ALOX15: variants seen among roughly 807,000 people sequenced by gnomAD.
ALOX15 encodes the protein arachidonate 15-lipoxygenase.
ALOX15 carries 68 observed loss-of-function variants against 71.7 expected under a neutral mutation model. That is an observed-to-expected ratio of 0.95 (90% CI 0.78 to 1.16). The LOEUF (loss-of-function observed/expected upper bound fraction) is 1.16. Among genes scored for constraint, ALOX15 ranks in the 50% most tolerant of loss-of-function variants. ALOX15 has a pLI of 0.00. For missense variants in ALOX15, 798 were observed against 818.8 expected (o/e 0.97, Z 0.31); for synonymous variants, 346 against 333.3 (o/e 1.04, Z -0.42).
chr17:4,636,155 C>T (rs1190345420), intron 7 of ALOX15, among the ~76,000 whole-genome samples, 187 bp from the exon 8 acceptor site: 1 of 152,198 alleles, frequency 6.6e-6, no homozygotes, highest in Admixed American at 6.5e-5. Context: ...TGCATTAGCA[C>T]CCTGCAAGCT....
chr17:4,632,902 C>A lies in ALOX15; in HGVS notation c.1499G>T (p.Arg500Leu), dbSNP rs920143506. 6.2e-7 allele frequency: 1 copy of A among 1,614,098 alleles called. No individual in the cohort carries two copies. Residue 500 changes from arginine (R) to leucine (L), a missense_variant, in exon 11 of 14, where the codon CGA becomes CTA. Arg to Leu is a moderately radical substitution (Grantham distance 102, BLOSUM62 -2). Around this residue, in one of 3 missense-constraint regions of ALOX15, gnomAD observed 490 missense variants for 509.4 expected, o/e 0.96. Coordinates refer to ENST00000293761, the MANE Select transcript of ALOX15 (RefSeq NM_001140.5). The part of the protein sequence containing the change: ...KDDPELQTWC[R>L]EITEIGLQGA... The stretch of plus-strand genomic sequence containing the variant: ...TTGCAGCCCGATTTCAGTGATCTCT[C>A]GACACCAGGTCTGCAGCTCTGGGTC...
At chr17:4,639,855 G>A in intron 1 of ALOX15, 1 of 535,796 alleles carries the variant, frequency 1.9e-6, no homozygotes. Flanking sequence ...GTGCGCTCCT[G>A]CCTTCACTTT....
chr17:4,633,877 G>A (rs2150535381), intron 8 of ALOX15, among the ~76,000 whole-genome samples: 1 of 152,330 alleles, frequency 6.6e-6, no homozygotes, highest in South Asian at 2.1e-4. Flanking sequence ...CATGTTCTCT[G>A]CAGCAACATG....
At chr17:4,635,168 C>T (rs1348503355) in intron 8 of ALOX15, among the ~76,000 whole-genome samples, 1 of 151,824 alleles carries the variant, frequency 6.6e-6, no homozygotes, top group Non-Finnish European at 1.5e-5. Flanking sequence ...CAGTGACTCA[C>T]GCCTGTAATC....
chr17:4,641,401 C>G, intron 1 of ALOX15, 116 bp downstream of exon 1: 1 of 1,460,358 alleles, frequency 6.8e-7, no homozygotes, highest in Non-Finnish European at 9.1e-7. Flanking sequence ...GCCCAATGCG[C>G]GGGCCCTTGG....
rs774523803 is a variant in ALOX15, at chr17:4,638,565, G to C, written c.646+16C>G. 6.2e-7 allele frequency: 1 copy of C among 1,611,708 alleles called. No homozygotes were observed. The highest frequency in any genetic ancestry group is 8.5e-7 in the Non-Finnish European group (1 of 1,178,070). On this transcript the variant is annotated intron_variant, in intron 5 of 13. Coordinates refer to ENST00000293761, the MANE Select transcript of ALOX15 (RefSeq NM_001140.5). ...GATCTGGGGGGTTGGGAGACATACT[G>C]GGGTGGGGGACTGACCAGCCAGCTT...
At position 4,638,430 on chromosome 17, in the gene ALOX15, C is replaced by A. The variant is rs568225559; in HGVS notation, c.647-53G>T. The A allele has an allele frequency of 1.3e-3, 960 of 764,562 alleles. 16 individuals are homozygous for A. The South Asian group carries it at 0.016, about 13-fold the overall frequency. The allele number at this position is 764,562 out of a possible 1,614,324, so 47.4% of individuals were successfully genotyped here. Reference sequence around the variant, plus strand: ...GTGGGATCTGAGCTCTTGGTCCTTCCAACCCCACCAACCATGCCTCCTTGA... The same window carrying A: ...GTGGGATCTGAGCTCTTGGTCCTTCAAACCCCACCAACCATGCCTCCTTGA... On this transcript the variant is annotated intron_variant, in intron 5 of 13. Coordinates refer to ENST00000293761, the MANE Select transcript of ALOX15 (RefSeq NM_001140.5).
Position 4,633,135 on chromosome 17 carries a change from G to C in ALOX15, c.1418+11C>G. ...CACTTGCACCCCCACTGGCCTTCCC[G>C]CTTGCCTCACCGATAGATGATTTCC... On this transcript the variant is annotated intron_variant, in intron 10 of 13. Coordinates refer to ENST00000293761, the MANE Select transcript of ALOX15 (RefSeq NM_001140.5). 1 of 1,612,392 alleles carries C rather than the reference G, an allele frequency of 6.2e-7. No individual in the cohort carries two copies. Among genetic ancestry groups the C allele is most frequent in the East Asian group, 2.2e-5 (1 of 44,842 alleles).
At chr17:4,634,461 C>T (rs1232621206) in intron 8 of ALOX15, among the ~76,000 whole-genome samples, 1 of 151,626 alleles carries the variant, frequency 6.6e-6, no homozygotes, top group Non-Finnish European at 1.5e-5. Context: ...AACCACCGTG[C>T]CTGGCCTCCT....
intron 9 of ALOX15, 43 bp from the exon 10 acceptor site, chr17:4,633,358 C>T (rs372989330): frequency 6.2e-7 from 1 of 1,611,724 alleles, no homozygotes; most frequent in African/African-American, 1.3e-5. Flanking sequence ...TCGACCTGCC[C>T]TGAATCCAGA....
intron 7 of ALOX15, among the ~76,000 whole-genome samples, 174 bp from the exon 8 acceptor site, chr17:4,636,142 C>T (rs544126948): frequency 1.3e-5 from 2 of 152,210 alleles, no homozygotes; most frequent in Non-Finnish European, 2.9e-5. Flanking sequence ...CCTGCCCGCT[C>T]AGTGCATTAG....
At chr17:4,639,168 T>C in intron 2 of ALOX15, 36 bp from the exon 3 acceptor site, 5 of 1,611,788 alleles carry the variant, frequency 3.1e-6, no homozygotes, top group Non-Finnish European at 4.2e-6. Context: ...CAGTGACTTT[T>C]GGTGAGCGCC....
chr17:4,634,376 C>T (rs939094739), intron 8 of ALOX15, among the ~76,000 whole-genome samples: 1 of 148,790 alleles, frequency 6.7e-6, no homozygotes, highest in African/African-American at 2.5e-5. Context: ...GATCTCGGCT[C>T]ACTGCAACCT....
intron 7 of ALOX15, among the ~76,000 whole-genome samples, chr17:4,636,817 T>C (rs1332548020): frequency 6.6e-6 from 1 of 152,004 alleles, no homozygotes; most frequent in Non-Finnish European, 1.5e-5. Context: ...CTCTCCCTCC[T>C]GCTTGTCTGA....
At chr17:4,639,190 C>T in intron 2 of ALOX15, 58 bp from the exon 3 acceptor site, 1 of 1,595,896 alleles carries the variant, frequency 6.3e-7, no homozygotes, top group African/African-American at 1.3e-5. Context: ...CTTCTTGTCT[C>T]TGCCAGGAGA....
At position 4,631,931 on chromosome 17, in the gene ALOX15, C is replaced by G; in HGVS notation, c.1767G>C (p.Gln589His). The G allele has an allele frequency of 3.7e-6, 6 of 1,614,028 alleles. No homozygotes were observed. Among genetic ancestry groups the G allele is most frequent in the Non-Finnish European group, 5.1e-6 (6 of 1,179,988 alleles). The change falls in exon 13 of 14, where the codon CAG becomes CAC. Residue 589 changes from glutamine (Q) to histidine (H), a missense_variant. Transcript: ENST00000293761. The part of the protein sequence containing the change: ...TLPNFHQASL[Q>H]MSITWQLGRR... ...TGCCCAGCTGCCAAGTGATGGACAT[C>G]TGGAGAGAAGCCTGGTGGAAGTTGG...
chr17:4,634,266 T>G (rs11568120), intron 8 of ALOX15, among the ~76,000 whole-genome samples: 1,819 of 152,308 alleles, frequency 0.012, 9 homozygotes, highest in Middle Eastern at 0.075. Context: ...CAAACCAGAC[T>G]TAGTGCTTTA....
In ALOX15 at chr17:4,635,650, T is replaced by C. The variant is rs141681051; in HGVS notation, c.1161+109A>G. The C allele has an allele frequency of 1.9e-3, 2,041 of 1,052,448 alleles. 24 individuals carry two copies. The Admixed American group carries it at 0.024, about 13-fold the overall frequency. 65.2% of individuals were successfully genotyped at this position (1,052,448 alleles called of 1,614,324 possible). ...CTGTTGCTCTCACATTGTCCATTCA[T>C]TGTTTCTCTCTGTACCCCGAGACCC... On this transcript the variant is annotated intron_variant, in intron 8 of 13. Coordinates refer to ENST00000293761, the MANE Select transcript of ALOX15 (RefSeq NM_001140.5).
chr17:4,634,127 T>C (rs1200865715), intron 8 of ALOX15, among the ~76,000 whole-genome samples: 3 of 152,192 alleles, frequency 2.0e-5, no homozygotes, highest in African/African-American at 4.8e-5. Flanking sequence ...CCAAGCCCCA[T>C]GACACACAAT....
Sources: allele counts gnomAD v4.1 joint callset (sites outside exome capture counted in the v4.1 genomes callset), GRCh38; gene constraint gnomAD v4.1.1; regional missense constraint gnomAD v4.1.1; transcripts MANE v1.5; gene names NCBI Gene and HGNC (gene_info 2026-07-23, HGNC 2026-07-21).